SGK1: variants seen among roughly 807,000 people sequenced by gnomAD.
The protein encoded by SGK1 is serine/threonine-protein kinase Sgk1.
In SGK1, 26 loss-of-function variants were observed where a neutral mutation model predicts 64.2. That is an observed-to-expected ratio of 0.40 (90% CI 0.30 to 0.56). SGK1 has a LOEUF of 0.56. Among genes scored for constraint, SGK1 ranks in the 20% least tolerant of loss-of-function variants. SGK1 has a pLI of 0.38. For synonymous variants in SGK1, 265 were observed against 239.7 expected (o/e 1.11, Z -0.98); for missense variants, 519 against 645.6 (o/e 0.80, Z 2.12).
At chr6:134,228,223 G>A (rs1776219052) in intron 2 of SGK1, among the ~76,000 whole-genome samples, 1 of 152,068 alleles carries the variant, frequency 6.6e-6, no homozygotes, top group Non-Finnish European at 1.5e-5. Context: ...CCAAAGTGCT[G>A]GGATTACTGG....
intron 3 of SGK1, chr6:134,175,998 C>T: frequency 1.0e-6 from 1 of 970,488 alleles, no homozygotes; most frequent in Non-Finnish European, 1.2e-6. Flanking sequence ...CTGCATTTCA[C>T]TTTTTTTTTT....
chr6:134,172,732 G>GTGGTTCCAGGA lies in SGK1; in HGVS notation c.866_876dup (p.Arg293SerfsTer13). ...ATTTCAGCAGCATAGAAACGAGCCCGTGGTTCCAGGAAGCAGCGTTCCCTC... is the reference window on the plus strand; with the variant it reads ...ATTTCAGCAGCATAGAAACGAGCCCGTGGTTCCAGGATGGTTCCAGGAAGCAGCGTTCCCTC... On this transcript the variant is annotated frameshift_variant, in exon 9 of 14. Coordinates refer to ENST00000367858, the MANE Select transcript of SGK1 (RefSeq NM_001143676.3). LOFTEE classifies it high-confidence loss of function. 1 of 1,614,110 alleles carries GTGGTTCCAGGA rather than the reference G, an allele frequency of 6.2e-7. No homozygotes were observed. Among genetic ancestry groups the GTGGTTCCAGGA allele is most frequent in the Non-Finnish European group, 8.5e-7 (1 of 1,179,954 alleles).
At chr6:134,247,240 G>A (rs1236120801) in intron 2 of SGK1, among the ~76,000 whole-genome samples, 4 of 152,126 alleles carry the variant, frequency 2.6e-5, no homozygotes, top group Non-Finnish European at 4.4e-5. Context: ...GGAAGGGGAA[G>A]GAAACAAAGT....
intron 1 of SGK1, among the ~76,000 whole-genome samples, chr6:134,276,145 C>G (rs535070049): frequency 1.2e-3 from 176 of 152,258 alleles, no homozygotes; most frequent in African/African-American, 3.7e-3. Context: ...ATTACATCCC[C>G]AGAGCTTAGC....
At position 134,220,458 on chromosome 6, in the gene SGK1, C is replaced by T. The variant is rs901496101; in HGVS notation, c.286-13027G>A. ...AGGCCTCCTTGCATTTATTTTAGAG[C>T]GGAGTTGGTAGAAATAGTTAGATAT... is the stretch of plus-strand genomic sequence containing the variant. On this transcript the variant is annotated intron_variant, in intron 2 of 13. Coordinates refer to ENST00000367858, the MANE Select transcript of SGK1 (RefSeq NM_001143676.3). Among the ~76,000 whole-genome samples the T allele has an allele frequency of 5.9e-5, 9 of 152,202 alleles. No homozygotes were observed. The East Asian group carries it at 1.5e-3, about 26-fold the overall frequency.
At chr6:134,219,901 T>A (rs1582720695) in intron 2 of SGK1, among the ~76,000 whole-genome samples, 3 of 124,814 alleles carry the variant, frequency 2.4e-5, no homozygotes, top group East Asian at 2.3e-4. Context: ...CTACTAAAAA[T>A]ACAAAAAATT....
At chr6:134,261,232 C>T (rs1776762508) in intron 2 of SGK1, 1 of 152,252 alleles carries the variant, frequency 6.6e-6, no homozygotes, top group African/African-American at 2.4e-5. Flanking sequence ...TGGATCAAAT[C>T]GTGTTGAACT....
chr6:134,295,124 C>T (rs554288582), intron 1 of SGK1, among the ~76,000 whole-genome samples: 1 of 152,132 alleles, frequency 6.6e-6, no homozygotes, highest in East Asian at 1.9e-4. Flanking sequence ...TTCTCCTGCC[C>T]CCCAAGGGAT....
Position 134,283,585 on chromosome 6 carries a change from C to T in SGK1, c.70-21437G>A, listed in dbSNP as rs529520094. Among the ~76,000 whole-genome samples, 9 of 151,992 alleles carry T rather than the reference C, an allele frequency of 5.9e-5. No homozygotes were observed. In the South Asian group the frequency reaches 6.2e-4, roughly 11 times the overall value. ...AAGTCTGGCCGGGCACAGTGACTCACGCCTGTAATCCCAGCACATTGGGAG... is the reference window on the plus strand; with the variant it reads ...AAGTCTGGCCGGGCACAGTGACTCATGCCTGTAATCCCAGCACATTGGGAG... On this transcript the variant is annotated intron_variant, in intron 1 of 13. Transcript: ENST00000367858.
chr6:134,305,220 A>G (rs1360948109), intron 1 of SGK1, among the ~76,000 whole-genome samples: 1 of 152,006 alleles, frequency 6.6e-6, no homozygotes, highest in Non-Finnish European at 1.5e-5. Context: ...TTAGCTGGGC[A>G]TGGTGGCTGG....
At chr6:134,216,083 CT>C (rs60558249) in intron 2 of SGK1, among the ~76,000 whole-genome samples, 12,509 of 152,102 alleles carry the variant, frequency 0.082, 822 homozygotes, top group East Asian at 0.24. Flanking sequence ...TTTTTTAAAA[CT>C]TTTTTTCTTT....
chr6:134,181,761 CAAA>C (rs1453284113), intron 3 of SGK1, among the ~76,000 whole-genome samples: 1 of 152,174 alleles, frequency 6.6e-6, no homozygotes, highest in African/African-American at 2.4e-5. Context: ...GTTGTAACAA[CAAA>C]AGATACATGT....
chr6:134,201,411 G>T (rs1046197270), intron 3 of SGK1, among the ~76,000 whole-genome samples: 1 of 150,778 alleles, frequency 6.6e-6, no homozygotes, highest in African/African-American at 2.4e-5. Flanking sequence ...GCCCAGGCTG[G>T]AGTACAGTGG....
chr6:134,270,432 G>A (rs1413628159), intron 1 of SGK1, among the ~76,000 whole-genome samples: 1 of 147,972 alleles, frequency 6.8e-6, no homozygotes, highest in African/African-American at 2.4e-5. Context: ...ATAAAAATAG[G>A]AATCTCTTGA....
chr6:134,268,603 G>A (rs976971778), intron 1 of SGK1, among the ~76,000 whole-genome samples: 3 of 145,056 alleles, frequency 2.1e-5, no homozygotes, highest in Non-Finnish European at 4.6e-5. Context: ...GGTGCCTGTA[G>A]TCCCAGCTAC....
intron 2 of SGK1, among the ~76,000 whole-genome samples, chr6:134,259,299 C>T (rs1776728166): frequency 6.6e-6 from 1 of 151,966 alleles, no homozygotes; most frequent in South Asian, 2.1e-4. Flanking sequence ...TATGTAGAAC[C>T]CTCTCTCTGC....
At chr6:134,294,252 T>C (rs774241045) in intron 1 of SGK1, among the ~76,000 whole-genome samples, 20 of 152,148 alleles carry the variant, frequency 1.3e-4, no homozygotes, top group Non-Finnish European at 2.4e-4. Flanking sequence ...CACATAAAAT[T>C]TACCACTTTA....
At chr6:134,315,121 A>T in intron 1 of SGK1, among the ~76,000 whole-genome samples, 1 of 152,290 alleles carries the variant, frequency 6.6e-6, no homozygotes, top group African/African-American at 2.4e-5. Flanking sequence ...CATATTGTTT[A>T]ACTAAAAACA....
intron 1 of SGK1, chr6:134,283,160 C>G (rs111821043): frequency 6.6e-6 from 1 of 152,352 alleles, no homozygotes; most frequent in African/African-American, 2.4e-5. Flanking sequence ...TTTGTTCCTT[C>G]TCCACTCCCG....
Sources: allele counts gnomAD v4.1 joint callset (sites outside exome capture counted in the v4.1 genomes callset), GRCh38; gene constraint gnomAD v4.1.1; transcripts MANE v1.5; gene names NCBI Gene and HGNC (gene_info 2026-07-23, HGNC 2026-07-21).